The following ARHGAP26 variants were observed in gnomAD, a reference collection of about 807,000 sequenced individuals.
ARHGAP26 encodes the protein rho GTPase-activating protein 26.
ARHGAP26 carries 38 observed loss-of-function variants against 104.8 expected under a neutral mutation model. The observed-to-expected ratio is 0.36, with a 90% confidence interval of 0.28 to 0.48. The LOEUF (loss-of-function observed/expected upper bound fraction) is 0.48, where lower values mean the gene tolerates loss of function less well. Ranked by LOEUF, ARHGAP26 falls within the 20% of genes least tolerant of loss-of-function variation. The pLI, the probability that ARHGAP26 is intolerant of heterozygous loss-of-function variation, is 0.99. For synonymous variants in ARHGAP26, 341 were observed against 340.0 expected (o/e 1.00, Z -0.03); for missense variants, 704 against 947.9 (o/e 0.74, Z 3.38).
intron 20 of ARHGAP26, among the ~76,000 whole-genome samples, chr5:143,183,296 A>G (rs796564853): frequency 1.6e-4 from 25 of 152,290 alleles, no homozygotes; most frequent in African/African-American, 4.6e-4. Flanking sequence ...TGCCAAATTC[A>G]TATACATGGT....
chr5:143,196,438 C>T (rs1170430632), intron 20 of ARHGAP26, among the ~76,000 whole-genome samples: 1 of 152,186 alleles, frequency 6.6e-6, no homozygotes, highest in Non-Finnish European at 1.5e-5. Context: ...GAGTGAGCTT[C>T]CTGTAAGCCC....
chr5:142,830,328 TC>T (rs1768146243), intron 1 of ARHGAP26, among the ~76,000 whole-genome samples: 1 of 152,208 alleles, frequency 6.6e-6, no homozygotes, highest in Non-Finnish European at 1.5e-5. Flanking sequence ...GATTTATATA[TC>T]TTCTAATTAG....
At chr5:142,835,433 A>G (rs1769363560) in intron 1 of ARHGAP26, among the ~76,000 whole-genome samples, 1 of 152,234 alleles carries the variant, frequency 6.6e-6, no homozygotes, top group Non-Finnish European at 1.5e-5. Flanking sequence ...AGTCAAGGTA[A>G]TATCAAGTCT....
At chr5:143,175,403 G>T (rs1024958566) in intron 20 of ARHGAP26, among the ~76,000 whole-genome samples, 2 of 152,228 alleles carry the variant, frequency 1.3e-5, no homozygotes, top group Admixed American at 6.5e-5. Context: ...TCTTGTCACA[G>T]AGAAAGGCTA....
At chr5:143,196,511 A>T (rs530754792) in intron 20 of ARHGAP26, among the ~76,000 whole-genome samples, 1 of 152,270 alleles carries the variant, frequency 6.6e-6, no homozygotes, top group South Asian at 2.1e-4. Flanking sequence ...ATTTCTGCCT[A>T]AAGTCACCTC....
At chr5:142,891,572 A>G (rs1401857840) in intron 5 of ARHGAP26, among the ~76,000 whole-genome samples, 1 of 150,918 alleles carries the variant, frequency 6.6e-6, no homozygotes, top group African/African-American at 2.5e-5. Context: ...TTTTCTCATG[A>G]TGGTGGAATG....
At chr5:142,844,038 G>A (rs536643740) in intron 1 of ARHGAP26, among the ~76,000 whole-genome samples, 1 of 150,546 alleles carries the variant, frequency 6.6e-6, no homozygotes, top group African/African-American at 2.5e-5. Context: ...CATTACATGT[G>A]AGCTAAAAGT....
chr5:142,778,661 G>A (rs558285418), intron 1 of ARHGAP26, among the ~76,000 whole-genome samples: 79 of 152,270 alleles, frequency 5.2e-4, no homozygotes, highest in Non-Finnish European at 9.7e-4. Context: ...CTATTAGAAG[G>A]CGTGCTGCAG....
At chr5:142,799,923 C>T (rs1761728108) in intron 1 of ARHGAP26, among the ~76,000 whole-genome samples, 1 of 152,206 alleles carries the variant, frequency 6.6e-6, no homozygotes, top group South Asian at 2.1e-4. Context: ...GACATTAAAA[C>T]TGTAGCAAAA....
Position 143,041,831 on chromosome 5 carries a change from G to T in ARHGAP26, c.1226G>T (p.Gly409Val). 1.2e-6 allele frequency: 2 copies of T among 1,606,718 alleles called. No homozygotes were observed. Among genetic ancestry groups the T allele is most frequent in the South Asian group, 2.2e-5 (2 of 89,586 alleles). ...AVETRGINEQ[G>V]LYRIVGVNSR... ...CTTTCCTCAGGGATCAACGAGCAAGGGCTGTATCGAATTGTGGGTGTCAAC... is the reference window on the plus strand; with the variant it reads ...CTTTCCTCAGGGATCAACGAGCAAGTGCTGTATCGAATTGTGGGTGTCAAC... The change falls in exon 14 of 23, where the codon GGG (glycine) becomes GTG (valine). Residue 409 changes from glycine to valine, a missense_variant. This residue lies in a region of ARHGAP26 where 287 missense variants were observed against 438.8 expected (regional missense o/e 0.65). Coordinates refer to ENST00000645722, the MANE Select transcript of ARHGAP26 (RefSeq NM_001135608.3).
chr5:143,014,329 G>C lies in ARHGAP26; in HGVS notation c.1144+213G>C, dbSNP rs114431829. The C allele has an allele frequency of 8.6e-4, 515 of 600,940 alleles. 1 individual carries two copies. In the African/African-American group the frequency reaches 8.8e-3, roughly 10 times the overall value. 37.2% of individuals were successfully genotyped at this position (600,940 alleles called of 1,614,324 possible). ...CTGGCTGGCAAGGCTGTAGTGTAGT[G>C]ACACCTTGCATTGAAATAATGGGTC... On this transcript the variant is annotated intron_variant, in intron 12 of 22. Coordinates refer to ENST00000645722, the MANE Select transcript of ARHGAP26 (RefSeq NM_001135608.3).
chr5:142,967,441 G>A (rs999935155), intron 11 of ARHGAP26, among the ~76,000 whole-genome samples: 5 of 152,160 alleles, frequency 3.3e-5, no homozygotes, highest in African/African-American at 9.7e-5. Context: ...CATCACTAAC[G>A]GATGGATGGA....
chr5:143,165,267 T>C (rs1336939899), intron 20 of ARHGAP26: 1 of 152,010 alleles, frequency 6.6e-6, no homozygotes, highest in African/African-American at 2.4e-5. Flanking sequence ...TTTTGTTGAG[T>C]GGAACATACA....
At chr5:142,981,794 C>G (rs767518851) in intron 11 of ARHGAP26, among the ~76,000 whole-genome samples, 1 of 152,206 alleles carries the variant, frequency 6.6e-6, no homozygotes, top group South Asian at 2.1e-4. Context: ...TAAGTGGTGT[C>G]GTGGTACCAC....
intron 11 of ARHGAP26, among the ~76,000 whole-genome samples, chr5:142,935,943 G>A (rs1230808153): frequency 2.0e-5 from 3 of 152,122 alleles, no homozygotes; most frequent in Admixed American, 2.0e-4. Flanking sequence ...CTAGGAACAA[G>A]TTGAGGGTGT....
intron 16 of ARHGAP26, 139 bp from the exon 17 acceptor site, chr5:143,057,503 T>C (rs747506912): frequency 1.4e-6 from 1 of 700,948 alleles, no homozygotes; most frequent in Non-Finnish European, 2.5e-6. Context: ...CCACGCAGTA[T>C]GCACACAAGA....
chr5:143,005,964 C>A (rs1173938509), intron 11 of ARHGAP26, among the ~76,000 whole-genome samples: 1 of 152,116 alleles, frequency 6.6e-6, no homozygotes, highest in Non-Finnish European at 1.5e-5. Context: ...CCTTTCTTAG[C>A]CCTTATTTCA....
At chr5:142,988,844 T>C (rs1489244205) in intron 11 of ARHGAP26, among the ~76,000 whole-genome samples, 1 of 152,260 alleles carries the variant, frequency 6.6e-6, no homozygotes, top group Non-Finnish European at 1.5e-5. Flanking sequence ...GATTGCATTG[T>C]GGTCTGAGAG....
At chr5:143,087,737 C>G (rs1179209918) in intron 17 of ARHGAP26, among the ~76,000 whole-genome samples, 2 of 146,048 alleles carry the variant, frequency 1.4e-5, no homozygotes, top group Non-Finnish European at 3.0e-5. Flanking sequence ...ACAACCTCCG[C>G]CTCCCAGGTT....
Sources: gnomAD v4.1 joint callset for allele counts (sites outside exome capture counted in the v4.1 genomes callset) on GRCh38, gnomAD v4.1.1 for gene constraint, gnomAD v4.1.1 regional missense constraint, MANE v1.5 for transcripts, NCBI Gene and HGNC (gene_info 2026-07-23, HGNC 2026-07-21) for gene names.